Variants in PIK3C3 observed in about 807,000 individuals in gnomAD.
The protein encoded by PIK3C3 is phosphatidylinositol 3-kinase catalytic subunit type 3.
A neutral mutation model predicts 126.1 loss-of-function variants in PIK3C3; 95 were observed. The observed-to-expected ratio is 0.75, with a 90% CI of 0.64 to 0.89. The LOEUF is 0.89. Ranked by LOEUF, PIK3C3 falls within the 40% of genes least tolerant of loss-of-function variation. The pLI is 0.00. For missense variants in PIK3C3, 829 were observed against 1,063.2 expected (o/e 0.78, Z 3.06); for synonymous variants, 374 against 360.0 (o/e 1.04, Z -0.44).
At chr18:42,072,734 CTA>C (rs1357902537) in intron 24 of PIK3C3, among the ~76,000 whole-genome samples, 4 of 152,098 alleles carry the variant, frequency 2.6e-5, no homozygotes, top group Non-Finnish European at 5.9e-5. Context: ...TGAGGTCCGA[CTA>C]TGTTGCCCAA....
chr18:42,030,187 A>C (rs1983760370), intron 15 of PIK3C3, among the ~76,000 whole-genome samples: 1 of 152,162 alleles, frequency 6.6e-6, no homozygotes, highest in Non-Finnish European at 1.5e-5. Flanking sequence ...CTTCTGAGAA[A>C]ACAAAAGTCC....
chr18:42,054,157 T>G (rs1285867556), intron 21 of PIK3C3, among the ~76,000 whole-genome samples: 1 of 37,848 alleles, frequency 2.6e-5, no homozygotes, highest in African/African-American at 1.4e-4. Flanking sequence ...TATATATATA[T>G]ATATATATAT....
intron 13 of PIK3C3, among the ~76,000 whole-genome samples, chr18:42,024,906 C>G (rs1354544026): frequency 6.6e-6 from 1 of 151,852 alleles, no homozygotes; most frequent in Non-Finnish European, 1.5e-5. Context: ...CGAGTTCACG[C>G]CATTCTTCTG....
chr18:42,083,847 G>A lies in PIK3C3; in HGVS notation c.*2710G>A, dbSNP rs1260626984. 2.0e-5 allele frequency: 3 copies of A among 152,158 alleles called. No homozygotes were observed. Among genetic ancestry groups the A allele is most frequent in the African/African-American group, 7.2e-5 (3 of 41,434 alleles). 9.4% of individuals were successfully genotyped at this position (152,158 alleles called of 1,614,324 possible). A position where few individuals can be genotyped will look rare whatever the true frequency, so the allele number is the denominator to read the frequency against. On this transcript the variant is annotated 3_prime_UTR_variant, in exon 25 of 25. Transcript: ENST00000262039. ...AGACCCCAGTGATCACAGTCTTGAC[G>A]ATTAAATTCTTCCAGCTTTCATTTT...
chr18:41,992,309 G>A (rs1011226876), intron 6 of PIK3C3, among the ~76,000 whole-genome samples: 26 of 152,158 alleles, frequency 1.7e-4, no homozygotes, highest in African/African-American at 5.1e-4. Context: ...GCTGATAAAT[G>A]TGTTTTCTGG....
At chr18:41,991,430 A>G (rs1981772624) in intron 6 of PIK3C3, among the ~76,000 whole-genome samples, 1 of 152,208 alleles carries the variant, frequency 6.6e-6, no homozygotes, top group Non-Finnish European at 1.5e-5. Flanking sequence ...TATTGTGTTA[A>G]TAGTCAACAA....
intron 20 of PIK3C3, among the ~76,000 whole-genome samples, chr18:42,048,458 G>C (rs568652330): frequency 6.6e-6 from 1 of 152,238 alleles, no homozygotes; most frequent in Admixed American, 6.5e-5. Flanking sequence ...TCCCAGCCCA[G>C]TGACTTTGAA....
chr18:42,060,868 A>G (rs1161397360), intron 22 of PIK3C3, among the ~76,000 whole-genome samples: 2 of 152,226 alleles, frequency 1.3e-5, no homozygotes, highest in Non-Finnish European at 2.9e-5. Context: ...ACCAAACATC[A>G]GTGAATTTAT....
At chr18:41,970,800 T>TATA (rs1980627907) in intron 4 of PIK3C3, 1 of 407,650 alleles carries the variant, frequency 2.5e-6, no homozygotes, top group Non-Finnish European at 4.4e-6. Context: ...TCTGTATGGA[T>TATA]TTGCCTGTTC....
intron 9 of PIK3C3, 49 bp from the exon 10 acceptor site, chr18:42,004,307 A>G: frequency 4.1e-6 from 6 of 1,451,962 alleles, no homozygotes; most frequent in Non-Finnish European, 5.7e-6. Context: ...CAACTTCTCT[A>G]TCCCAGGAAA....
At chr18:42,066,283 T>C (rs146811289) in intron 23 of PIK3C3, among the ~76,000 whole-genome samples, 2 of 152,334 alleles carry the variant, frequency 1.3e-5, no homozygotes, top group African/African-American at 4.8e-5. Context: ...TCCAGTACAG[T>C]GAAGAGACAA....
chr18:41,994,936 G>A (rs891869907), intron 7 of PIK3C3, among the ~76,000 whole-genome samples: 1 of 152,074 alleles, frequency 6.6e-6, no homozygotes, highest in Non-Finnish European at 1.5e-5. Context: ...TACTTGGGAG[G>A]TTGAGGTAGG....
chr18:41,984,245 C>T (rs1022417820), intron 4 of PIK3C3, among the ~76,000 whole-genome samples: 2 of 151,874 alleles, frequency 1.3e-5, no homozygotes, highest in Non-Finnish European at 2.9e-5. Context: ...ATTGTTATGC[C>T]ACCTGTGTCT....
chr18:42,025,458 G>A lies in PIK3C3; in HGVS notation c.1485-1985G>A, dbSNP rs931274652. 2.6e-5 allele frequency: 4 copies of A among 152,142 alleles called. 1 individual carries two copies. In the East Asian group the frequency reaches 7.7e-4, roughly 29 times the overall value. 9.4% of individuals were successfully genotyped at this position (152,142 alleles called of 1,614,324 possible). ...AGTTTGAGGTAGTGCTATGTTCTCT[G>A]GTTTGGCTGCAGCCCCACTTCTCTG... On this transcript the variant is annotated intron_variant, in intron 13 of 24. Coordinates refer to ENST00000262039, the MANE Select transcript of PIK3C3 (RefSeq NM_002647.4).
chr18:42,064,894 A>G (rs1471234439), intron 23 of PIK3C3, 64 bp downstream of exon 23: 2 of 855,068 alleles, frequency 2.3e-6, no homozygotes, highest in Admixed American at 1.9e-5. Context: ...CCAGAATACA[A>G]CAACCTCTCA....
intron 16 of PIK3C3, among the ~76,000 whole-genome samples, chr18:42,035,855 A>G (rs955421563): frequency 3.3e-5 from 5 of 152,166 alleles, no homozygotes; most frequent in African/African-American, 1.2e-4. Flanking sequence ...TAGTAGTTTT[A>G]AAAGTAATTT....
chr18:42,027,658 TA>T, intron 14 of PIK3C3, 110 bp downstream of exon 14: 1 of 438,358 alleles, frequency 2.3e-6, no homozygotes. Flanking sequence ...TATTTATTTT[TA>T]TTTTTATTTT....
At chr18:42,029,281 T>A in intron 14 of PIK3C3, 44 bp from the exon 15 acceptor site, 1 of 1,134,472 alleles carries the variant, frequency 8.8e-7, no homozygotes, top group Non-Finnish European at 1.3e-6. Flanking sequence ...ATCCAGATCA[T>A]TACGCAACAT....
At position 41,986,854 on chromosome 18, in the gene PIK3C3, G is replaced by C. The variant is rs1007197238; in HGVS notation, c.532-958G>C. On this transcript the variant is annotated intron_variant, in intron 4 of 24. Coordinates refer to ENST00000262039, the MANE Select transcript of PIK3C3 (RefSeq NM_002647.4). ...CTTTTTTTTATTACAATGAACTTCAGACTTTTTGTGTGACATTAGTATTTT... is the reference window on the plus strand; with the variant it reads ...CTTTTTTTTATTACAATGAACTTCACACTTTTTGTGTGACATTAGTATTTT... Among the ~76,000 whole-genome samples, 2 of 152,046 alleles carry C rather than the reference G, an allele frequency of 1.3e-5. 1 individual carries two copies. The highest frequency in any genetic ancestry group is 4.1e-4 in the South Asian group (2 of 4,832).
Sources: gnomAD v4.1 joint callset for allele counts (sites outside exome capture counted in the v4.1 genomes callset) on GRCh38, gnomAD v4.1.1 for gene constraint, MANE v1.5 for transcripts, NCBI Gene and HGNC (gene_info 2026-07-23, HGNC 2026-07-21) for gene names.